The following DDX10 variants were observed in gnomAD, a reference collection of about 807,000 sequenced individuals.
DDX10 encodes the protein DEAD-box helicase 10.
DDX10 carries 74 observed loss-of-function variants against 104.3 expected under a neutral mutation model. That is an observed-to-expected ratio of 0.71 (90% CI 0.59 to 0.86). The LOEUF is 0.86. Ranked by LOEUF, DDX10 falls within the 40% of genes least tolerant of loss-of-function variation. The pLI is 0.00. For missense variants in DDX10, 952 were observed against 1,040.0 expected (o/e 0.92, Z 1.16); for synonymous variants, 351 against 353.4 (o/e 0.99, Z 0.08).
chr11:108,670,935 T>A (rs1220278411), intron 1 of DDX10, among the ~76,000 whole-genome samples: 2 of 152,114 alleles, frequency 1.3e-5, no homozygotes, highest in Non-Finnish European at 2.9e-5. Flanking sequence ...TAGCGAGAAA[T>A]AGGCATTACC....
Position 108,772,410 on chromosome 11 carries a change from A to C in DDX10, c.1965+48948A>C, listed in dbSNP as rs1033269818. ...ACAGAAGGGGAGAAGACGCAGAAGA[A>C]GAGGAGGAGGCAGTGTGATCATGGT... On this transcript the variant is annotated intron_variant, in intron 13 of 17. Coordinates refer to ENST00000322536, the MANE Select transcript of DDX10 (RefSeq NM_004398.4). Among the ~76,000 whole-genome samples, 6 of 152,192 alleles carry C rather than the reference A, an allele frequency of 3.9e-5. No homozygotes were observed. The East Asian group carries it at 7.7e-4, about 20-fold the overall frequency.
At chr11:108,882,310 T>C (rs1195003133) in intron 16 of DDX10, among the ~76,000 whole-genome samples, 1 of 152,228 alleles carries the variant, frequency 6.6e-6, no homozygotes, top group Non-Finnish European at 1.5e-5. Context: ...TCACATTTTC[T>C]GTGCTCATTT....
chr11:108,739,178 T>C (rs929392317), intron 13 of DDX10, among the ~76,000 whole-genome samples: 3 of 152,178 alleles, frequency 2.0e-5, no homozygotes, highest in African/African-American at 7.2e-5. Flanking sequence ...GAGATGTCCA[T>C]GGATGATGGC....
At chr11:108,777,756 C>T (rs2094372028) in intron 13 of DDX10, among the ~76,000 whole-genome samples, 1 of 152,180 alleles carries the variant, frequency 6.6e-6, no homozygotes, top group Non-Finnish European at 1.5e-5. Flanking sequence ...GTCAAATTGT[C>T]CCTGTTTGCG....
At chr11:108,848,701 A>G (rs765028832) in intron 15 of DDX10, among the ~76,000 whole-genome samples, 1 of 152,162 alleles carries the variant, frequency 6.6e-6, no homozygotes, top group Non-Finnish European at 1.5e-5. Flanking sequence ...TCAGAATTAC[A>G]TAAATCTGAT....
chr11:108,849,832 T>C (rs1862767537), intron 15 of DDX10, among the ~76,000 whole-genome samples: 1 of 152,124 alleles, frequency 6.6e-6, no homozygotes, highest in Non-Finnish European at 1.5e-5. Context: ...TCACTTATAC[T>C]TTTCTCCTGA....
chr11:108,785,009 G>A (rs1194764311), intron 13 of DDX10, among the ~76,000 whole-genome samples: 1 of 152,078 alleles, frequency 6.6e-6, no homozygotes, highest in Non-Finnish European at 1.5e-5. Context: ...GTAGGTGTGT[G>A]GGTTTATTTC....
chr11:108,759,902 G>T (rs2094348640), intron 13 of DDX10, among the ~76,000 whole-genome samples: 1 of 151,608 alleles, frequency 6.6e-6, no homozygotes, highest in Non-Finnish European at 1.5e-5. Flanking sequence ...ATGGCCACAT[G>T]TTTTTGTGTG....
chr11:108,841,382 G>A lies in DDX10; in HGVS notation c.2153G>A (p.Gly718Asp), dbSNP rs1309762420. 1.9e-6 allele frequency: 3 copies of A among 1,613,676 alleles called. No individual in the cohort carries two copies. Among genetic ancestry groups the A allele is most frequent in the Non-Finnish European group, 2.5e-6 (3 of 1,179,852 alleles). ...GATGCTGAGGAAGATGATGACACAG[G>A]TGGTATCAACTTACATAAAGCAAAG... ...IKDAEEDDDTGGINLHKAKER... is the reference protein window; with the variant it reads ...IKDAEEDDDTDGINLHKAKER... The change falls in exon 15 of 18, where the codon GGT (glycine) becomes GAT (aspartate). Residue 718 changes from glycine to aspartate, a missense_variant. Gly to Asp is a moderately conservative substitution (Grantham distance 94). Around this residue, in one of 3 missense-constraint regions of DDX10, gnomAD observed 533 missense variants for 534.1 expected, o/e 1.00. Coordinates refer to ENST00000322536, the MANE Select transcript of DDX10 (RefSeq NM_004398.4).
chr11:108,801,070 G>T (rs1335373662), intron 13 of DDX10, among the ~76,000 whole-genome samples: 3 of 152,204 alleles, frequency 2.0e-5, no homozygotes, highest in Middle Eastern at 3.2e-3. Flanking sequence ...GGAAGACGAG[G>T]ATAGTGCATC....
In DDX10 at chr11:108,731,601, C is replaced by A. The variant is rs185681915; in HGVS notation, c.1965+8139C>A. ...CATCATGGCTCGCTGCAGCCTCGAC[C>A]TTATGGGCTGAAGTGATCTTGAATT... On this transcript the variant is annotated intron_variant, in intron 13 of 17. Coordinates refer to ENST00000322536, the MANE Select transcript of DDX10 (RefSeq NM_004398.4). Among the ~76,000 whole-genome samples, 3 of 151,514 alleles carry A rather than the reference C, an allele frequency of 2.0e-5. No homozygotes were observed. The East Asian group carries it at 5.9e-4, about 30-fold the overall frequency.
chr11:108,733,667 T>C (rs979869537), intron 13 of DDX10, among the ~76,000 whole-genome samples: 1 of 152,168 alleles, frequency 6.6e-6, no homozygotes. Context: ...CCGTCATTTC[T>C]ACATTTAGTG....
At chr11:108,666,548 T>C (rs987798250) in intron 1 of DDX10, among the ~76,000 whole-genome samples, 1 of 152,114 alleles carries the variant, frequency 6.6e-6, no homozygotes, top group African/African-American at 2.4e-5. Context: ...AGGCCATACG[T>C]CTGAAATCAG....
At chr11:108,737,227 T>A (rs2094319472) in intron 13 of DDX10, among the ~76,000 whole-genome samples, 1 of 152,208 alleles carries the variant, frequency 6.6e-6, no homozygotes, top group Non-Finnish European at 1.5e-5. Flanking sequence ...ATAAACCAAA[T>A]TTTTAAAACT....
At position 108,679,544 on chromosome 11, in the gene DDX10, G is replaced by T. The variant is rs749107215; in HGVS notation, c.832G>T (p.Glu278Ter). 1 of 1,600,906 alleles carries T rather than the reference G, an allele frequency of 6.2e-7. No individual in the cohort carries two copies. Among genetic ancestry groups the T allele is most frequent in the Non-Finnish European group, 8.5e-7 (1 of 1,176,622 alleles). The change falls in exon 6 of 18, where the codon GAA becomes TAA. Residue 278 changes from glutamate to a stop codon, truncating the protein, a stop_gained. Coordinates refer to ENST00000322536, the MANE Select transcript of DDX10 (RefSeq NM_004398.4). LOFTEE classifies it high-confidence loss of function. ...AAACCCTGAGTATGTCTGGGTTCAT[G>T]AAAAAGCAAAATATAGGTATGTACT... is the stretch of plus-strand genomic sequence containing the variant. Reference protein sequence around the residue: ...LKNPEYVWVHEKAKYSTPATL... With the variant: ...LKNPEYVWVH
intron 16 of DDX10, among the ~76,000 whole-genome samples, chr11:108,872,351 T>G (rs190103712): frequency 2.0e-5 from 3 of 152,332 alleles, no homozygotes; most frequent in African/African-American, 4.8e-5. Context: ...AGCATTTTCT[T>G]TACTATGTTT....
At chr11:108,758,219 A>T (rs2094346792) in intron 13 of DDX10, among the ~76,000 whole-genome samples, 1 of 152,052 alleles carries the variant, frequency 6.6e-6, no homozygotes, top group Non-Finnish European at 1.5e-5. Flanking sequence ...CACCTACTAC[A>T]GGTTCATGCT....
chr11:108,848,151 A>G (rs1466206451), intron 15 of DDX10, among the ~76,000 whole-genome samples: 1 of 152,202 alleles, frequency 6.6e-6, no homozygotes, highest in Non-Finnish European at 1.5e-5. Flanking sequence ...TAATAAATTA[A>G]GAATAAATTA....
chr11:108,840,728 A>C (rs1862625714), intron 14 of DDX10, among the ~76,000 whole-genome samples: 1 of 152,192 alleles, frequency 6.6e-6, no homozygotes, highest in South Asian at 2.1e-4. Flanking sequence ...TCATTATGTA[A>C]TGTTAGTTGG....
Sources: gnomAD v4.1 joint callset for allele counts (sites outside exome capture counted in the v4.1 genomes callset) on GRCh38, gnomAD v4.1.1 for gene constraint, gnomAD v4.1.1 regional missense constraint, MANE v1.5 for transcripts, NCBI Gene and HGNC (gene_info 2026-07-23, HGNC 2026-07-21) for gene names.